Variants in GMDS observed in about 807,000 individuals in gnomAD.
The protein encoded by GMDS is GDP-mannose 4,6 dehydratase.
Under a neutral mutation model 49.9 loss-of-function variants are expected in GMDS, and 20 were observed. The observed-to-expected ratio is 0.40, with a 90% CI of 0.28 to 0.58. GMDS has a LOEUF of 0.58. GMDS is among the 20% of genes least tolerant of loss of function. GMDS has a pLI of 0.42. For synonymous variants in GMDS, 177 were observed against 178.6 expected (o/e 0.99, Z 0.07); for missense variants, 362 against 481.4 (o/e 0.75, Z 2.32).
intron 3 of GMDS, 42 bp from the exon 4 acceptor site, chr6:2,115,922 C>T: frequency 2.7e-6 from 3 of 1,103,232 alleles, no homozygotes; most frequent in South Asian, 2.6e-5. Context: ...AGAAAAGCAA[C>T]ATAAGCTCAA....
chr6:1,943,518 A>G (rs937214431), intron 6 of GMDS, among the ~76,000 whole-genome samples: 1 of 152,178 alleles, frequency 6.6e-6, no homozygotes, highest in Non-Finnish European at 1.5e-5. Context: ...GAGGGAGGGG[A>G]GCAGGGCTAT....
At chr6:2,244,898 GCGCCCCTTGAGC>G (rs1306740424) in intron 1 of GMDS, among the ~76,000 whole-genome samples, 1 of 152,182 alleles carries the variant, frequency 6.6e-6, no homozygotes, top group African/African-American at 2.4e-5. Flanking sequence ...TAGCAGGTAA[GCGCCCCTTGAGC>G]CGAGACACAT....
At chr6:2,119,863 G>C (rs1366817270) in intron 2 of GMDS, among the ~76,000 whole-genome samples, 2 of 152,110 alleles carry the variant, frequency 1.3e-5, no homozygotes, top group Admixed American at 6.5e-5. Context: ...ACTTAACAAG[G>C]TGATAAAATG....
chr6:2,099,118 T>C (rs1773779607), intron 4 of GMDS, among the ~76,000 whole-genome samples: 1 of 152,180 alleles, frequency 6.6e-6, no homozygotes, highest in African/African-American at 2.4e-5. Flanking sequence ...TTAACCACTA[T>C]TTTTACATTA....
intron 7 of GMDS, among the ~76,000 whole-genome samples, chr6:1,901,144 C>T (rs1268233173): frequency 1.3e-5 from 2 of 152,226 alleles, no homozygotes; most frequent in Non-Finnish European, 2.9e-5. Flanking sequence ...TCCCTGGTTC[C>T]GTGGCTCCCG....
chr6:2,224,384 C>T (rs1780728926), intron 1 of GMDS, among the ~76,000 whole-genome samples: 2 of 152,190 alleles, frequency 1.3e-5, no homozygotes, highest in Non-Finnish European at 2.9e-5. Context: ...ACCACAGGGC[C>T]ACAATGACTT....
At chr6:2,221,905 C>T (rs1780609710) in intron 1 of GMDS, among the ~76,000 whole-genome samples, 1 of 151,788 alleles carries the variant, frequency 6.6e-6, no homozygotes, top group Non-Finnish European at 1.5e-5. Flanking sequence ...AAACTTGGTG[C>T]TGCCCCTTTA....
intron 7 of GMDS, among the ~76,000 whole-genome samples, chr6:1,906,753 A>C (rs1406405422): frequency 1.3e-5 from 2 of 152,134 alleles, no homozygotes; most frequent in Non-Finnish European, 1.5e-5. Flanking sequence ...GGACAAGGAA[A>C]GGAGTAGGAG....
chr6:2,174,727 C>T (rs1778189120), intron 1 of GMDS, among the ~76,000 whole-genome samples: 2 of 152,010 alleles, frequency 1.3e-5, no homozygotes, highest in Non-Finnish European at 2.9e-5. Flanking sequence ...GCCACCATGC[C>T]AGGCTAACTT....
chr6:1,666,075 T>C (rs550214820), intron 9 of GMDS, among the ~76,000 whole-genome samples: 13 of 152,330 alleles, frequency 8.5e-5, no homozygotes, highest in Non-Finnish European at 2.9e-5. Flanking sequence ...TCCATTCATG[T>C]AGGGCTTCCG....
intron 7 of GMDS, among the ~76,000 whole-genome samples, chr6:1,807,143 A>G (rs1423894048): frequency 6.6e-6 from 1 of 152,006 alleles, no homozygotes; most frequent in East Asian, 1.9e-4. Flanking sequence ...CCTGGGCTCA[A>G]GTGAGCCTTC....
rs752126590 is a variant in GMDS, at chr6:1,640,264, C to T, written c.988-15724G>A. Among the ~76,000 whole-genome samples the T allele has an allele frequency of 2.0e-5, 3 of 152,222 alleles. No homozygotes were observed. The highest frequency in any genetic ancestry group is 2.9e-5 in the Non-Finnish European group (2 of 68,044). Reference sequence around the variant, plus strand: ...CCCGACAGCCTGGAATATGCTTCCTCTTCTTCACTGAAACTGTGCCCGTGG... The same window carrying T: ...CCCGACAGCCTGGAATATGCTTCCTTTTCTTCACTGAAACTGTGCCCGTGG... On this transcript the variant is annotated intron_variant, in intron 9 of 10. Transcript: ENST00000380815. This position sits in a 1 kb window ranked among gnomAD's most constrained non-coding sequence, Gnocchi z 4.0.
At chr6:1,807,255 T>C (rs960212350) in intron 7 of GMDS, among the ~76,000 whole-genome samples, 2 of 152,194 alleles carry the variant, frequency 1.3e-5, no homozygotes, top group Non-Finnish European at 2.9e-5. Flanking sequence ...TTGTCCAGGC[T>C]GGTCTCGAAC....
At chr6:1,664,646 C>T (rs1764184276) in intron 9 of GMDS, among the ~76,000 whole-genome samples, 1 of 152,160 alleles carries the variant, frequency 6.6e-6, no homozygotes. Flanking sequence ...GTCACTCTGT[C>T]ACATTGACAT....
At chr6:1,686,193 T>C (rs932752448) in intron 9 of GMDS, among the ~76,000 whole-genome samples, 1 of 152,196 alleles carries the variant, frequency 6.6e-6, no homozygotes, top group Non-Finnish European at 1.5e-5. Flanking sequence ...TCTCCTGCTC[T>C]GCACTCTGAA....
At chr6:2,003,289 G>A (rs990163119) in intron 4 of GMDS, among the ~76,000 whole-genome samples, 2 of 152,128 alleles carry the variant, frequency 1.3e-5, no homozygotes, top group Admixed American at 6.6e-5. Flanking sequence ...GGTTGGGAAT[G>A]TTACCTTATT....
At chr6:1,737,542 C>T (rs1243664475) in intron 8 of GMDS, among the ~76,000 whole-genome samples, 1 of 149,600 alleles carries the variant, frequency 6.7e-6, no homozygotes, top group East Asian at 2.0e-4. Context: ...CACATACACA[C>T]CACACACACA....
At chr6:1,684,284 T>A (rs571249216) in intron 9 of GMDS, among the ~76,000 whole-genome samples, 2 of 152,248 alleles carry the variant, frequency 1.3e-5, no homozygotes, top group South Asian at 4.2e-4. Flanking sequence ...GGCAGAGCGG[T>A]TGTGGAAAAC....
intron 1 of GMDS, among the ~76,000 whole-genome samples, chr6:2,212,588 A>G (rs1049895374): frequency 3.9e-5 from 6 of 152,144 alleles, no homozygotes; most frequent in African/African-American, 2.4e-5. Flanking sequence ...CAAGGGAATA[A>G]AAACTATAAA....
Sources: allele counts gnomAD v4.1 joint callset (sites outside exome capture counted in the v4.1 genomes callset), GRCh38; gene constraint gnomAD v4.1.1; non-coding constraint Gnocchi (gnomAD v3.1); transcripts MANE v1.5; gene names NCBI Gene and HGNC (gene_info 2026-07-23, HGNC 2026-07-21).